RPRD2: variants seen among roughly 807,000 people sequenced by gnomAD.
The protein encoded by RPRD2 is regulation of nuclear pre-mRNA domain-containing protein 2.
A neutral mutation model predicts 104.4 loss-of-function variants in RPRD2; 12 were observed. The observed-to-expected ratio is 0.11, with a 90% CI of 0.07 to 0.19. RPRD2 has a LOEUF of 0.19. RPRD2 is among the 10% of genes least tolerant of loss of function. RPRD2 has a pLI of 1.00. For synonymous variants in RPRD2, 714 were observed against 684.9 expected (o/e 1.04, Z -0.66); for missense variants, 1,543 against 1,790.1 (o/e 0.86, Z 2.49).
At chr1:150,402,311 G>T (rs1402452540) in intron 1 of RPRD2, among the ~76,000 whole-genome samples, 1 of 152,154 alleles carries the variant, frequency 6.6e-6, no homozygotes, top group African/African-American at 2.4e-5. Flanking sequence ...CAGTTCAGCA[G>T]TTCTACTCTT....
intron 1 of RPRD2, among the ~76,000 whole-genome samples, chr1:150,376,671 T>G (rs1553879599): frequency 6.6e-6 from 1 of 151,384 alleles, no homozygotes; most frequent in Admixed American, 6.6e-5. Flanking sequence ...CGGCTGATTT[T>G]TTGTATTTTT....
At chr1:150,470,478 G>A in intron 10 of RPRD2, 83 bp from the exon 11 acceptor site, 6 of 1,381,386 alleles carry the variant, frequency 4.3e-6, no homozygotes, top group Non-Finnish European at 5.9e-6. Flanking sequence ...CAAAATGAAT[G>A]AGAGTATCTG....
intron 1 of RPRD2, among the ~76,000 whole-genome samples, chr1:150,410,917 C>T (rs925825852): frequency 1.3e-5 from 2 of 152,158 alleles, no homozygotes; most frequent in African/African-American, 4.8e-5. Context: ...GACTAGAGTA[C>T]AGTGGGGCGA....
At chr1:150,449,082 T>C (rs1666987659) in intron 7 of RPRD2, among the ~76,000 whole-genome samples, 1 of 152,080 alleles carries the variant, frequency 6.6e-6, no homozygotes, top group Non-Finnish European at 1.5e-5. Flanking sequence ...CTGGGCAACA[T>C]TGTGAGACCC....
chr1:150,433,557 G>A (rs1193819593), intron 2 of RPRD2, among the ~76,000 whole-genome samples: 1 of 141,466 alleles, frequency 7.1e-6, no homozygotes, highest in Non-Finnish European at 1.5e-5. Flanking sequence ...CCATTCTCCT[G>A]CCTCAGCCTC....
At chr1:150,376,539 T>C (rs976086156) in intron 1 of RPRD2, among the ~76,000 whole-genome samples, 26 of 152,016 alleles carry the variant, frequency 1.7e-4, no homozygotes, top group African/African-American at 5.8e-4. Flanking sequence ...CTCTGTTTGT[T>C]GCCCAGGCTG....
At chr1:150,377,025 AC>A (rs1660750728) in intron 1 of RPRD2, among the ~76,000 whole-genome samples, 1 of 149,834 alleles carries the variant, frequency 6.7e-6, no homozygotes, top group Non-Finnish European at 1.5e-5. Context: ...AGCCTGGCCA[AC>A]ATGGTGAAAC....
chr1:150,390,808 C>G (rs1414849564), intron 1 of RPRD2, among the ~76,000 whole-genome samples: 2 of 151,680 alleles, frequency 1.3e-5, no homozygotes, highest in African/African-American at 4.9e-5. Context: ...TGATTGAAGT[C>G]TTATAAGGAG....
intron 2 of RPRD2, among the ~76,000 whole-genome samples, chr1:150,429,137 G>T (rs879987655): frequency 4.8e-4 from 73 of 150,862 alleles, no homozygotes; most frequent in Non-Finnish European, 9.9e-4. Context: ...TTGTTGCCCA[G>T]GTTGGAGTGC....
chr1:150,385,424 T>C (rs1661492145), intron 1 of RPRD2, among the ~76,000 whole-genome samples: 1 of 152,018 alleles, frequency 6.6e-6, no homozygotes, highest in African/African-American at 2.4e-5. Context: ...CAGTGAGCCA[T>C]GATTGTGCCA....
intron 10 of RPRD2, among the ~76,000 whole-genome samples, chr1:150,466,111 G>A (rs1668254646): frequency 6.6e-6 from 1 of 151,790 alleles, no homozygotes; most frequent in Non-Finnish European, 1.5e-5. Flanking sequence ...GGGCGCGGTG[G>A]CTCACGCCTG....
At chr1:150,463,224 A>C (rs1668054968) in intron 9 of RPRD2, among the ~76,000 whole-genome samples, 1 of 152,132 alleles carries the variant, frequency 6.6e-6, no homozygotes, top group Non-Finnish European at 1.5e-5. Context: ...TCGGGAGGCA[A>C]ATGCAGGAGG....
chr1:150,459,535 G>A (rs1667777232), intron 8 of RPRD2, among the ~76,000 whole-genome samples: 2 of 149,544 alleles, frequency 1.3e-5, no homozygotes, highest in African/African-American at 4.9e-5. Flanking sequence ...CAAATACTAA[G>A]AAAATGCAAA....
chr1:150,425,346 G>C (rs1320818617), intron 2 of RPRD2, among the ~76,000 whole-genome samples: 1 of 152,072 alleles, frequency 6.6e-6, no homozygotes, highest in East Asian at 1.9e-4. Flanking sequence ...ATTGCTTTAT[G>C]ATTTAAGAAA....
chr1:150,381,113 G>A (rs2102130492), intron 1 of RPRD2, among the ~76,000 whole-genome samples: 1 of 152,218 alleles, frequency 6.6e-6, no homozygotes, highest in Non-Finnish European at 1.5e-5. Flanking sequence ...CCTAGAAGAA[G>A]GCATGGAACA....
intron 1 of RPRD2, among the ~76,000 whole-genome samples, chr1:150,414,384 A>G (rs1048553158): frequency 6.6e-6 from 1 of 152,250 alleles, no homozygotes; most frequent in African/African-American, 2.4e-5. Context: ...AAAGACTCCA[A>G]AGCTAACAAG....
At chr1:150,448,852 C>CT (rs1553896040) in intron 7 of RPRD2, among the ~76,000 whole-genome samples, 2 of 152,156 alleles carry the variant, frequency 1.3e-5, no homozygotes, top group Non-Finnish European at 2.9e-5. Flanking sequence ...GTTGAGTCCT[C>CT]TATTTTCCAG....
rs1037437608 is a variant in RPRD2 at position 150,474,195 on chromosome 1, C to T, written c.*861C>T. The T allele has an allele frequency of 5.0e-4, 76 of 152,262 alleles. No individual in the cohort carries two copies. The highest frequency in any genetic ancestry group is 1.8e-3 in the African/African-American group (73 of 41,540). 9.4% of individuals were successfully genotyped at this position (152,262 alleles called of 1,614,324 possible). On this transcript the variant is annotated 3_prime_UTR_variant, in exon 11 of 11. Coordinates refer to ENST00000369068, the MANE Select transcript of RPRD2 (RefSeq NM_015203.5). ...TCTGCTGTGGCCAGAAAGACAGTCA[C>T]TACAGTTGACTATTGATACAAAGGT...
intron 1 of RPRD2, among the ~76,000 whole-genome samples, chr1:150,407,474 T>G (rs1245394502): frequency 1.3e-5 from 2 of 152,226 alleles, no homozygotes; most frequent in Non-Finnish European, 2.9e-5. Context: ...TTACATAGAC[T>G]TAGGCTAGTT....
Sources: allele counts gnomAD v4.1 joint callset (sites outside exome capture counted in the v4.1 genomes callset), GRCh38; gene constraint gnomAD v4.1.1; transcripts MANE v1.5; gene names NCBI Gene and HGNC (gene_info 2026-07-23, HGNC 2026-07-21).